Variants in FKTN observed in about 807,000 individuals in gnomAD.
FKTN encodes ribitol-5-phosphate transferase FKTN.
Under a neutral mutation model 58.6 loss-of-function variants are expected in FKTN, and 47 were observed. The observed-to-expected ratio is 0.80, with a 90% CI of 0.63 to 1.02. FKTN has a LOEUF of 1.02. Ranked by LOEUF, FKTN falls within the 50% of genes least tolerant of loss-of-function variation. FKTN has a pLI of 0.00. For synonymous variants in FKTN, 178 were observed against 191.9 expected (o/e 0.93, Z 0.60); for missense variants, 516 against 537.3 (o/e 0.96, Z 0.39).
chr9:105,619,028 C>T (rs1220742394), intron 9 of FKTN, among the ~76,000 whole-genome samples: 2 of 150,474 alleles, frequency 1.3e-5, no homozygotes, highest in African/African-American at 2.5e-5. Context: ...CACTGCACTC[C>T]AGCCTGGGCG....
intron 3 of FKTN, among the ~76,000 whole-genome samples, chr9:105,576,213 T>C (rs911815691): frequency 6.6e-6 from 1 of 151,706 alleles, no homozygotes; most frequent in Non-Finnish European, 1.5e-5. Flanking sequence ...CATTTGCACA[T>C]TGTGCAGGTT....
At chr9:105,572,967 G>A (rs1250667608) in intron 1 of FKTN, among the ~76,000 whole-genome samples, 1 of 152,186 alleles carries the variant, frequency 6.6e-6, no homozygotes, top group Non-Finnish European at 1.5e-5. Context: ...GGGTGCCGTG[G>A]CTCATGCCTG....
rs563185102 is a variant in FKTN, at chr9:105,638,091, T to C, written c.*2827T>C. On this transcript the variant is annotated 3_prime_UTR_variant, in exon 11 of 11. Coordinates refer to ENST00000357998, the MANE Select transcript of FKTN (RefSeq NM_001079802.2). ...ATGTAATATTCTTTTTAAACCCTCT[T>C]ATTTTATAACTAAATAAATAATCAC... 1.0e-5 allele frequency: 10 copies of C among 973,264 alleles called. 1 individual carries two copies. The South Asian group carries it at 4.8e-4, about 46-fold the overall frequency. 60.3% of individuals were successfully genotyped at this position (973,264 alleles called of 1,614,324 possible). A position where few individuals can be genotyped will look rare whatever the true frequency, so the allele number is the denominator to read the frequency against.
At chr9:105,583,292 C>A (rs1263723263) in intron 3 of FKTN, among the ~76,000 whole-genome samples, 2 of 151,966 alleles carry the variant, frequency 1.3e-5, no homozygotes, top group Non-Finnish European at 2.9e-5. Flanking sequence ...GTTTTTCCAG[C>A]AAAAACATTG....
At chr9:105,590,287 T>G (rs1844639937) in intron 3 of FKTN, among the ~76,000 whole-genome samples, 1 of 152,234 alleles carries the variant, frequency 6.6e-6, no homozygotes, top group Non-Finnish European at 1.5e-5. Flanking sequence ...TGCTTGATTC[T>G]GATTTTCTCT....
chr9:105,614,975 C>A (rs1830556271), intron 7 of FKTN, among the ~76,000 whole-genome samples: 1 of 151,922 alleles, frequency 6.6e-6, no homozygotes, highest in Admixed American at 6.6e-5. Flanking sequence ...CCTCCACCTC[C>A]CGGGTTCAAG....
Position 105,608,779 on chromosome 9 carries a change from G to T in FKTN, c.780+828G>T, listed in dbSNP as rs1306253280. 3.3e-5 allele frequency among the ~76,000 whole-genome samples: 5 copies of T among 152,184 alleles called. 1 individual carries two copies. The South Asian group carries it at 1.0e-3, about 32-fold the overall frequency. ...GGCCTGACAGCCCAAGTGGGCCTTC[G>T]TAGCCCTATTTCCTTAAGTCATTGT... On this transcript the variant is annotated intron_variant, in intron 7 of 10. Transcript: ENST00000357998.
At chr9:105,607,990 A>T (rs1829219160) in intron 7 of FKTN, 39 bp downstream of exon 7, 2 of 1,574,594 alleles carry the variant, frequency 1.3e-6, no homozygotes, top group Non-Finnish European at 1.7e-6. Flanking sequence ...AATTAAAGAA[A>T]ATGTTGGGAT....
intron 5 of FKTN, chr9:105,603,938 G>A: frequency 1.2e-5 from 5 of 425,478 alleles, no homozygotes; most frequent in South Asian, 1.1e-4. Context: ...AAAGCGCTGG[G>A]ATTACAGGGG....
chr9:105,583,203 C>T (rs1030526517), intron 3 of FKTN, among the ~76,000 whole-genome samples: 1 of 152,170 alleles, frequency 6.6e-6, no homozygotes, highest in Non-Finnish European at 1.5e-5. Flanking sequence ...TTTTGATGTG[C>T]TTGATTGAGC....
At chr9:105,588,061 A>G (rs1587984978) in intron 3 of FKTN, among the ~76,000 whole-genome samples, 1 of 152,218 alleles carries the variant, frequency 6.6e-6, no homozygotes, top group African/African-American at 2.4e-5. Flanking sequence ...GTTTGATTCT[A>G]TATGAGCATA....
intron 10 of FKTN, among the ~76,000 whole-genome samples, chr9:105,634,429 C>T (rs1290361364): frequency 1.3e-5 from 2 of 152,110 alleles, no homozygotes; most frequent in Non-Finnish European, 1.5e-5. Flanking sequence ...CCACCACGAC[C>T]GGCCTGGTTT....
Position 105,640,480 on chromosome 9 carries a change from G to A in FKTN, c.*5216G>A, listed in dbSNP as rs1162148994. 1 of 172,086 alleles carries A rather than the reference G, an allele frequency of 5.8e-6. No individual in the cohort carries two copies. Among genetic ancestry groups the A allele is most frequent in the Admixed American group, 6.2e-5 (1 of 16,018 alleles). 10.7% of individuals were successfully genotyped at this position (172,086 alleles called of 1,614,324 possible). A position where few individuals can be genotyped will look rare whatever the true frequency, so the allele number is the denominator to read the frequency against. ...AGGCAGGAGAATCACTTGAACCCGG[G>A]AAGCAGAGTCTGCAGTGAGCCAAGA... On this transcript the variant is annotated 3_prime_UTR_variant, in exon 11 of 11. Coordinates refer to ENST00000357998, the MANE Select transcript of FKTN (RefSeq NM_001079802.2).
chr9:105,559,599 G>A (rs767092436), intron 1 of FKTN, among the ~76,000 whole-genome samples: 2 of 151,914 alleles, frequency 1.3e-5, no homozygotes, highest in Admixed American at 6.6e-5. Flanking sequence ...CAGGAGAATC[G>A]CTTGAACTTG....
At chr9:105,608,308 A>C (rs2132915544) in intron 7 of FKTN, among the ~76,000 whole-genome samples, 1 of 152,340 alleles carries the variant, frequency 6.6e-6, no homozygotes, top group African/African-American at 2.4e-5. Flanking sequence ...GACCATGTAG[A>C]TTTAGAAAAG....
intron 4 of FKTN, among the ~76,000 whole-genome samples, chr9:105,600,660 G>T (rs1180773660): frequency 1.3e-5 from 2 of 152,134 alleles, no homozygotes; most frequent in Admixed American, 1.3e-4. Context: ...CAGCATTACA[G>T]ATATGAAGAA....
intron 4 of FKTN, among the ~76,000 whole-genome samples, chr9:105,599,341 A>T (rs528166894): frequency 6.6e-6 from 1 of 152,002 alleles, no homozygotes; most frequent in East Asian, 1.9e-4. Context: ...CTTGGTCATG[A>T]TATTTACTTT....
intron 10 of FKTN, among the ~76,000 whole-genome samples, chr9:105,625,189 A>G (rs913085121): frequency 2.0e-5 from 3 of 152,238 alleles, no homozygotes; most frequent in African/African-American, 4.8e-5. Flanking sequence ...TGTATTACAT[A>G]TAACTGCAGA....
chr9:105,570,057 T>C (rs919258410), intron 1 of FKTN, among the ~76,000 whole-genome samples: 1 of 151,936 alleles, frequency 6.6e-6, no homozygotes, highest in African/African-American at 2.4e-5. Context: ...TCTCTATAGG[T>C]TATTTTTTAT....
Sources: allele counts gnomAD v4.1 joint callset (sites outside exome capture counted in the v4.1 genomes callset), GRCh38; gene constraint gnomAD v4.1.1; transcripts MANE v1.5; gene names NCBI Gene and HGNC (gene_info 2026-07-23, HGNC 2026-07-21).